The following XG variants were observed in gnomAD, a reference collection of about 807,000 sequenced individuals.
XG encodes Xg glycoprotein (Xg blood group), also known as glycoprotein Xg.
Under a neutral mutation model 25.7 loss-of-function variants are expected in XG, and 24 were observed. That is an observed-to-expected ratio of 0.93 (90% CI 0.68 to 1.31). XG has a LOEUF of 1.31. Ranked by LOEUF, XG falls within the 40% of genes most tolerant of loss-of-function variation. XG has a pLI of 0.00. For missense variants in XG, 181 were observed against 187.6 expected (o/e 0.96, Z 0.21); for synonymous variants, 77 against 69.2 (o/e 1.11, Z -0.56).
At chrX:2,766,770 T>G (rs946046656) in intron 1 of XG, among the ~76,000 whole-genome samples, 19 of 151,490 alleles carry the variant, frequency 1.3e-4, no homozygotes, top group East Asian at 5.9e-4. Context: ...TTTCACCGTG[T>G]TAGCCAGGAT....
In XG at chrX:2,789,714, GTATT is replaced by G; in HGVS notation, c.253+22_253+25del. 1.0e-6 allele frequency: 1 copy of G among 954,473 alleles called. No homozygotes were observed. Among genetic ancestry groups the G allele is most frequent in the Non-Finnish European group, 1.3e-6 (1 of 742,586 alleles). The allele number at this position is 954,473 out of a possible 1,213,427, so 78.7% of individuals were successfully genotyped here. On this transcript the variant is annotated intron_variant, in intron 5 of 10. Coordinates refer to ENST00000644266, the MANE Select transcript of XG (RefSeq NM_001141919.2). ...ATTCCGGCAACAGTGGAGGTAATGA[GTATT>G]TATTTATTTATTTTTATTTTATTTT...
intron 3 of XG, among the ~76,000 whole-genome samples, chrX:2,776,436 A>G (rs1229142383): frequency 6.6e-6 from 1 of 152,134 alleles, no homozygotes; most frequent in Non-Finnish European, 1.5e-5. Context: ...CTGCGGATGT[A>G]GCTCGCCACA....
chrX:2,770,381 C>T (rs1404826780), intron 1 of XG, among the ~76,000 whole-genome samples, 169 bp from the exon 2 acceptor site: 1 of 151,950 alleles, frequency 6.6e-6, no homozygotes, highest in Non-Finnish European at 1.5e-5. Context: ...TGCTCTGGGA[C>T]TAGGTGGAGG....
chrX:2,770,460 C>A (rs1556363671), intron 1 of XG, 90 bp from the exon 2 acceptor site: 2 of 1,504,552 alleles, frequency 1.3e-6, no homozygotes, highest in South Asian at 2.3e-5. Context: ...CCTAGGCTTG[C>A]AGGAGGAGGG....
At chrX:2,766,926 G>T (rs2124437128) in intron 1 of XG, among the ~76,000 whole-genome samples, 1 of 152,146 alleles carries the variant, frequency 6.6e-6, no homozygotes, top group African/African-American at 2.4e-5. Flanking sequence ...TAGGTTTTAT[G>T]GCTGGCTTCG....
Position 2,789,646 on chromosome X carries a change from A to G in XG, c.193A>G (p.Ile65Val). 8.6e-7 allele frequency: 1 copy of G among 1,167,523 alleles called. No individual in the cohort carries two copies. The highest frequency in any genetic ancestry group is 1.8e-5 in the African/African-American group (1 of 56,357). ...ATCATACTGTTGTTTTCCAACAGATATCTACCCAAGGCCAAAGCCACGCCC... is the reference window on the plus strand; with the variant it reads ...ATCATACTGTTGTTTTCCAACAGATGTCTACCCAAGGCCAAAGCCACGCCC... ...QPENPDSGGN[I>V]YPRPKPRPQP... is the part of the protein sequence containing the mutation. Residue 65 changes from isoleucine to valine, a missense_variant and splice_region_variant, in exon 5 of 11, where the codon ATC (isoleucine) becomes GTC (valine). Transcript: ENST00000644266.
chrX:2,758,054 G>C (rs992841059), intron 1 of XG, among the ~76,000 whole-genome samples: 7 of 149,120 alleles, frequency 4.7e-5, no homozygotes, highest in Non-Finnish European at 8.9e-5. Flanking sequence ...CCAGCGTACA[G>C]AACCCCAAAC....
At chrX:2,757,628 T>C (rs2050462926) in intron 1 of XG, among the ~76,000 whole-genome samples, 1 of 151,958 alleles carries the variant, frequency 6.6e-6, no homozygotes, top group Non-Finnish European at 1.5e-5. Flanking sequence ...CATTACTTGC[T>C]GCATTAGGTT....
intron 1 of XG, among the ~76,000 whole-genome samples, chrX:2,766,176 C>G (rs2534622): frequency 0.25 from 38,072 of 151,972 alleles, 5,535 homozygotes; most frequent in East Asian, 0.37. Context: ...GAGTCTCACT[C>G]TGTTGCCAGG....
intron 7 of XG, among the ~76,000 whole-genome samples, chrX:2,805,918 A>G (rs1172004172): frequency 2.7e-5 from 3 of 112,466 alleles, no homozygotes; most frequent in Non-Finnish European, 5.6e-5. Context: ...AGAACCCACT[A>G]TCCACATAAG....
At chrX:2,790,961 TAGTA>T (rs2086831880) in intron 5 of XG, among the ~76,000 whole-genome samples, 3 of 61,274 alleles carry the variant, frequency 4.9e-5, no homozygotes, top group Non-Finnish European at 1.1e-4. Context: ...ATTTAGTTGA[TAGTA>T]AATAAATTTA....
Position 2,792,516 on chromosome X carries a change from T to C in XG, c.254-2019T>C, listed in dbSNP as rs1242011105. ...CACCTGGCTAATTTTTTCTTTTTTC[T>C]TTTTCTTTTTCTTTCTTTTTCTTTT... is the stretch of plus-strand genomic sequence containing the variant. On this transcript the variant is annotated intron_variant, in intron 5 of 10. Coordinates refer to ENST00000644266, the MANE Select transcript of XG (RefSeq NM_001141919.2). Among the ~76,000 whole-genome samples the C allele has an allele frequency of 4.0e-5, 4 of 100,006 alleles. No individual in the cohort carries two copies. The Admixed American group carries it at 4.9e-4, about 12-fold the overall frequency. 86.8% of individuals were successfully genotyped at this position (100,006 alleles called of 115,157 possible).
At chrX:2,758,193 A>G (rs2050479847) in intron 1 of XG, among the ~76,000 whole-genome samples, 1 of 151,916 alleles carries the variant, frequency 6.6e-6, no homozygotes, top group African/African-American at 2.4e-5. Flanking sequence ...AAAGGGAACC[A>G]CAAATGGGTC....
intron 2 of XG, among the ~76,000 whole-genome samples, chrX:2,771,983 G>A (rs1042522454): frequency 1.3e-5 from 2 of 152,204 alleles, no homozygotes; most frequent in Non-Finnish European, 2.9e-5. Context: ...AGGGGTGGGG[G>A]TTAGAGGCAG....
intron 1 of XG, among the ~76,000 whole-genome samples, chrX:2,757,864 C>T (rs1341186364): frequency 6.8e-6 from 1 of 147,530 alleles, no homozygotes; most frequent in African/African-American, 2.5e-5. Flanking sequence ...CCCAGCTATT[C>T]AGGAGGCTGA....
Position 2,790,584 on chromosome X carries a change from C to T in XG, c.253+878C>T, listed in dbSNP as rs1045706317. Among the ~76,000 whole-genome samples the T allele has an allele frequency of 2.7e-5, 3 of 110,705 alleles. No homozygotes were observed. In the Admixed American group the frequency reaches 2.9e-4, roughly 11 times the overall value. ...GGCCGAGGTCTCCTCAGGCAGATCA[C>T]CTGAGGTCAGGAGTTTGAAACCAGC... On this transcript the variant is annotated intron_variant, in intron 5 of 10. Coordinates refer to ENST00000644266, the MANE Select transcript of XG (RefSeq NM_001141919.2).
intron 1 of XG, among the ~76,000 whole-genome samples, chrX:2,760,925 C>A (rs2050551826): frequency 6.6e-6 from 1 of 152,026 alleles, no homozygotes; most frequent in South Asian, 2.1e-4. Flanking sequence ...TCAGTAGGAA[C>A]CAGCCCTGCC....
intron 1 of XG, among the ~76,000 whole-genome samples, chrX:2,765,522 C>T (rs1343039566): frequency 6.6e-6 from 1 of 152,152 alleles, no homozygotes. Flanking sequence ...TGTGGTTGCA[C>T]GTCCCGTAAT....
chrX:2,770,068 G>A (rs1339319607), intron 1 of XG, among the ~76,000 whole-genome samples: 1 of 151,838 alleles, frequency 6.6e-6, no homozygotes, highest in African/African-American at 2.4e-5. Flanking sequence ...CCTAAGCTGT[G>A]AGTGGGACAG....
Sources: gnomAD v4.1 joint callset for allele counts (sites outside exome capture counted in the v4.1 genomes callset) on GRCh38, gnomAD v4.1.1 for gene constraint, MANE v1.5 for transcripts, NCBI Gene and HGNC (gene_info 2026-07-23, HGNC 2026-07-21) for gene names.